MEGF11: variants seen among roughly 807,000 people sequenced by gnomAD.
The protein encoded by MEGF11 is multiple epidermal growth factor-like domains protein 11.
In MEGF11, 126 loss-of-function variants were observed where a neutral mutation model predicts 146.6. That is an observed-to-expected ratio of 0.86 (90% confidence interval 0.74 to 1.00). MEGF11 has a LOEUF of 1.00. MEGF11 is among the 50% of genes least tolerant of loss of function. The pLI, the probability that MEGF11 is intolerant of heterozygous loss-of-function variation, is 0.00. For missense variants in MEGF11, 1,509 were observed against 1,521.2 expected, an observed-to-expected ratio of 0.99 and a Z score of 0.13; for synonymous variants, 532 against 583.4, an observed-to-expected ratio of 0.91 and a Z score of 1.27.
chr15:66,086,416 A>C (rs1171814072), intron 5 of MEGF11, among the ~76,000 whole-genome samples: 1 of 152,240 alleles, frequency 6.6e-6, no homozygotes, highest in Non-Finnish European at 1.5e-5. Context: ...AGACAGAAGC[A>C]CCAGGTAACC....
chr15:65,954,936 A>G (rs773900153), intron 10 of MEGF11, among the ~76,000 whole-genome samples: 2 of 152,272 alleles, frequency 1.3e-5, no homozygotes, highest in Non-Finnish European at 2.9e-5. Flanking sequence ...AAAACCCTCA[A>G]TGAGCTTCCC....
At chr15:66,129,205 C>A (rs542173074) in intron 1 of MEGF11, among the ~76,000 whole-genome samples, 8 of 152,356 alleles carry the variant, frequency 5.3e-5, no homozygotes, top group Non-Finnish European at 1.2e-4. Context: ...AGAGGGCAGA[C>A]AACCTTTCCA....
chr15:66,154,325 A>G (rs2089675417), intron 1 of MEGF11, among the ~76,000 whole-genome samples: 1 of 152,128 alleles, frequency 6.6e-6, no homozygotes, highest in African/African-American at 2.4e-5. Context: ...ATTCTGCTGT[A>G]CTGAAGTCGG....
chr15:66,104,774 T>C (rs1203568504), intron 4 of MEGF11, among the ~76,000 whole-genome samples: 1 of 152,204 alleles, frequency 6.6e-6, no homozygotes, highest in Non-Finnish European at 1.5e-5. Context: ...ATTCCATCTC[T>C]GAAAGCCAGG....
At chr15:66,243,222 C>T (rs1422598204) in intron 1 of MEGF11, among the ~76,000 whole-genome samples, 1 of 152,222 alleles carries the variant, frequency 6.6e-6, no homozygotes, top group Non-Finnish European at 1.5e-5. Flanking sequence ...CTGCCCTGCC[C>T]CACCCTGCAT....
intron 19 of MEGF11, 150 bp from the exon 20 acceptor site, chr15:65,914,123 C>T (rs1436848008): frequency 1.6e-6 from 1 of 623,388 alleles, no homozygotes; most frequent in Non-Finnish European, 2.8e-6. Context: ...TGACTACCCC[C>T]AGCCCTCACT....
At position 66,236,078 on chromosome 15, in the gene MEGF11, T is replaced by C. The variant is rs112477012; in HGVS notation, c.-9+17527A>G. On this transcript the variant is annotated intron_variant, in intron 1 of 25. Transcript: ENST00000395614. ...TTCAGGGAAGGCTTCCTGGAGGAGA[T>C]GGTGTCTGGGTTGAATTGTGGAGGA... is the stretch of plus-strand genomic sequence containing the variant. Among the ~76,000 whole-genome samples, 467 of 152,172 alleles carry C rather than the reference T, an allele frequency of 3.1e-3. 3 individuals carry two copies. Among genetic ancestry groups the C allele is most frequent in the African/African-American group, 0.01 (425 of 41,514 alleles).
At chr15:66,008,067 C>G (rs149890092) in intron 5 of MEGF11, among the ~76,000 whole-genome samples, 14 of 152,238 alleles carry the variant, frequency 9.2e-5, no homozygotes, top group Admixed American at 6.5e-4. Flanking sequence ...GACCAAGAGC[C>G]CAGGGGAAAC....
chr15:65,935,322 G>GAAAA (rs71139449), intron 10 of MEGF11, among the ~76,000 whole-genome samples: 455 of 35,206 alleles, frequency 0.013, 99 homozygotes, highest in Non-Finnish European at 0.018. Context: ...TCCGTCTCAA[G>GAAAA]AAAAAAAAAA....
chr15:66,167,338 C>T (rs1203163681), intron 1 of MEGF11, among the ~76,000 whole-genome samples: 2 of 152,178 alleles, frequency 1.3e-5, no homozygotes, highest in East Asian at 1.9e-4. Context: ...CATTTTTATA[C>T]AGCTAAAGAA....
intron 5 of MEGF11, among the ~76,000 whole-genome samples, chr15:66,080,860 A>C (rs2085819302): frequency 6.6e-6 from 1 of 152,224 alleles, no homozygotes; most frequent in East Asian, 1.9e-4. Context: ...GGCACACCAG[A>C]TGCCGGCAGA....
chr15:66,119,257 G>T (rs28656156), intron 3 of MEGF11, 71 bp from the exon 4 acceptor site: 2 of 1,110,610 alleles, frequency 1.8e-6, no homozygotes, highest in East Asian at 5.2e-5. Flanking sequence ...TGATATTTGT[G>T]TTAAGCTATA....
chr15:66,182,173 G>A (rs144226641), intron 1 of MEGF11, among the ~76,000 whole-genome samples: 24 of 152,128 alleles, frequency 1.6e-4, no homozygotes, highest in African/African-American at 5.6e-4. Flanking sequence ...TGATGATCTC[G>A]GGACCAACGG....
intron 4 of MEGF11, among the ~76,000 whole-genome samples, chr15:66,099,105 CCAAA>C (rs2086669942): frequency 6.6e-6 from 1 of 152,132 alleles, no homozygotes; most frequent in Admixed American, 6.5e-5. Flanking sequence ...ACATTAACGG[CCAAA>C]CACTCTCCTG....
chr15:66,213,718 T>C (rs1165161102), intron 1 of MEGF11, among the ~76,000 whole-genome samples: 1 of 151,862 alleles, frequency 6.6e-6, no homozygotes, highest in Non-Finnish European at 1.5e-5. Context: ...CACCCAGCCT[T>C]AAATTGTTTA....
At position 66,166,109 on chromosome 15, in the gene MEGF11, A is replaced by C. The variant is rs1405613913; in HGVS notation, c.-8-37698T>G. On this transcript the variant is annotated intron_variant, in intron 1 of 25. Coordinates refer to ENST00000395614, the MANE Select transcript of MEGF11 (RefSeq NM_001385028.1). ...GCCCTCACCCCTGAGCTCCAGATCC[A>C]TATCGCCAGCTGCCTACTTGACATC... Among the ~76,000 whole-genome samples the C allele has an allele frequency of 2.0e-5, 3 of 152,146 alleles. No individual in the cohort carries two copies. The South Asian group carries it at 6.2e-4, about 31-fold the overall frequency.
chr15:65,973,132 AAG>A (rs1332260742), intron 7 of MEGF11, among the ~76,000 whole-genome samples: 4 of 151,744 alleles, frequency 2.6e-5, no homozygotes, highest in African/African-American at 9.7e-5. Context: ...AAAAAAAAAA[AAG>A]AATTACCCAA....
intron 10 of MEGF11, among the ~76,000 whole-genome samples, chr15:65,936,502 C>G (rs1054769482): frequency 2.6e-5 from 4 of 152,114 alleles, no homozygotes; most frequent in African/African-American, 9.7e-5. Context: ...CTCTTGTATG[C>G]CAGGCAATTC....
chr15:65,909,283 C>A, intron 22 of MEGF11, 148 bp from the exon 23 acceptor site: 1 of 646,606 alleles, frequency 1.5e-6, no homozygotes, highest in South Asian at 1.8e-5. Context: ...TCCAGAGGGG[C>A]CAGGGCCAGC....
Sources: gnomAD v4.1 joint callset for allele counts (sites outside exome capture counted in the v4.1 genomes callset) on GRCh38, gnomAD v4.1.1 for gene constraint, MANE v1.5 for transcripts, NCBI Gene and HGNC (gene_info 2026-07-23, HGNC 2026-07-21) for gene names.